TASP1: variants seen among roughly 807,000 people sequenced by gnomAD.
TASP1 encodes taspase 1, also known as threonine aspartase 1.
TASP1 carries 16 observed loss-of-function variants against 56.6 expected under a neutral mutation model. The observed-to-expected ratio is 0.28, with a 90% CI of 0.19 to 0.43. TASP1 has a LOEUF of 0.43. Ranked by LOEUF, TASP1 falls within the 20% of genes least tolerant of loss-of-function variation. The probability of loss-of-function intolerance (pLI) is 1.00; values close to 1 mark genes in which losing one functional copy is unlikely to be tolerated. For synonymous variants in TASP1, 179 were observed against 184.2 expected (o/e 0.97, Z 0.23); for missense variants, 393 against 511.6 (o/e 0.77, Z 2.24).
chr20:13,318,898 C>T, the TASP1 span, among the ~76,000 whole-genome samples: 2 of 152,124 alleles, frequency 1.3e-5, no homozygotes, highest in Non-Finnish European at 2.9e-5. Flanking sequence ...AGGCAGAGCA[C>T]AGAACACTTT....
At chr20:13,609,719 GAATT>G (rs2048285343) in intron 4 of TASP1, among the ~76,000 whole-genome samples, 1 of 140,624 alleles carries the variant, frequency 7.1e-6, no homozygotes, top group African/African-American at 2.6e-5. Flanking sequence ...GTTAAACATA[GAATT>G]AATTACCATA....
At chr20:13,355,299 A>G in the TASP1 span, among the ~76,000 whole-genome samples, 1 of 152,204 alleles carries the variant, frequency 6.6e-6, no homozygotes, top group Non-Finnish European at 1.5e-5. Flanking sequence ...AGAGAGAGAA[A>G]TTATGGTTCC....
At chr20:13,227,384 T>C in the TASP1 span, among the ~76,000 whole-genome samples, 1 of 151,662 alleles carries the variant, frequency 6.6e-6, no homozygotes, top group South Asian at 2.1e-4. Context: ...TTTGTATTTT[T>C]AGTGGAGACA....
At chr20:13,504,064 A>C (rs2044044042) in intron 10 of TASP1, among the ~76,000 whole-genome samples, 1 of 152,140 alleles carries the variant, frequency 6.6e-6, no homozygotes, top group Non-Finnish European at 1.5e-5. Context: ...AACTACTCAA[A>C]TCTGGGGAGA....
At chr20:13,262,862 G>C in the TASP1 span, among the ~76,000 whole-genome samples, 1 of 152,128 alleles carries the variant, frequency 6.6e-6, no homozygotes. Context: ...TTCTTCTAAA[G>C]CCTGAGATAA....
chr20:13,589,793 A>T (rs1379745845), intron 4 of TASP1, among the ~76,000 whole-genome samples: 1 of 152,222 alleles, frequency 6.6e-6, no homozygotes, highest in Non-Finnish European at 1.5e-5. Flanking sequence ...AAATGGGAAA[A>T]GAATATGAAT....
intron 9 of TASP1, among the ~76,000 whole-genome samples, chr20:13,529,760 G>C (rs2045140069): frequency 6.6e-6 from 1 of 152,126 alleles, no homozygotes; most frequent in Admixed American, 6.5e-5. Flanking sequence ...TGGGGAATAG[G>C]CTAAGACTGA....
chr20:13,421,171 G>A (rs549043147), intron 12 of TASP1, among the ~76,000 whole-genome samples: 76 of 148,426 alleles, frequency 5.1e-4, no homozygotes, highest in Non-Finnish European at 9.8e-4. Flanking sequence ...GGAGTGCGGT[G>A]GCACAATCTC....
chr20:13,390,728 C>T (rs947356006), intron 13 of TASP1, among the ~76,000 whole-genome samples: 7 of 152,112 alleles, frequency 4.6e-5, no homozygotes, highest in African/African-American at 7.2e-5. Flanking sequence ...GACCCCTGAC[C>T]GCACAGAATG....
At chr20:13,329,106 T>A in the TASP1 span, among the ~76,000 whole-genome samples, 7 of 152,204 alleles carry the variant, frequency 4.6e-5, no homozygotes, top group African/African-American at 7.2e-5. Flanking sequence ...TATATTGGAT[T>A]TGTAACTTAA....
intron 11 of TASP1, among the ~76,000 whole-genome samples, chr20:13,475,822 G>A (rs2044705564): frequency 6.6e-6 from 1 of 152,074 alleles, no homozygotes; most frequent in Non-Finnish European, 1.5e-5. Flanking sequence ...CTTGAACCCT[G>A]GAGGCGGAGA....
At chr20:13,331,913 T>C in the TASP1 span, among the ~76,000 whole-genome samples, 118 of 152,088 alleles carry the variant, frequency 7.8e-4, no homozygotes, top group Non-Finnish European at 1.5e-3. Context: ...TGGTTTTCAG[T>C]TGGGATTTGT....
the TASP1 span, among the ~76,000 whole-genome samples, chr20:13,381,222 T>C: frequency 6.6e-6 from 1 of 152,172 alleles, no homozygotes; most frequent in African/African-American, 2.4e-5. Context: ...CCCAAGGGAA[T>C]CTCCTGGTCT....
the TASP1 span, among the ~76,000 whole-genome samples, chr20:13,131,818 T>C: frequency 6.6e-6 from 1 of 152,174 alleles, no homozygotes; most frequent in Non-Finnish European, 1.5e-5. Flanking sequence ...ACTCATACCA[T>C]GTCACTTCCC....
intron 12 of TASP1, among the ~76,000 whole-genome samples, chr20:13,423,008 C>A (rs1352733609): frequency 6.6e-6 from 1 of 152,100 alleles, no homozygotes; most frequent in African/African-American, 2.4e-5. Context: ...CCTAGCAATT[C>A]TATTTCTAGA....
chr20:13,306,047 C>T, the TASP1 span, among the ~76,000 whole-genome samples: 1 of 151,572 alleles, frequency 6.6e-6, no homozygotes, highest in Non-Finnish European at 1.5e-5. Flanking sequence ...AATAAATGTG[C>T]CCTTATAGAT....
the TASP1 span, among the ~76,000 whole-genome samples, chr20:13,357,954 T>G: frequency 6.6e-6 from 1 of 151,866 alleles, no homozygotes; most frequent in Non-Finnish European, 1.5e-5. Flanking sequence ...TGGCCTGAAG[T>G]AACTGAAGAA....
intron 11 of TASP1, among the ~76,000 whole-genome samples, chr20:13,437,463 C>G (rs2043045830): frequency 6.6e-6 from 1 of 152,178 alleles, no homozygotes. Context: ...CAGGGATGCC[C>G]TCTCTCACCA....
chr20:13,393,615 G>GA, intron 13 of TASP1: 1 of 1,180,152 alleles, frequency 8.5e-7, no homozygotes, highest in Non-Finnish European at 1.2e-6. Context: ...GTGTGACAAC[G>GA]AATTTGGCTA....
Sources: allele counts gnomAD v4.1 joint callset (sites outside exome capture counted in the v4.1 genomes callset), GRCh38; gene constraint gnomAD v4.1.1; transcripts MANE v1.5; gene names NCBI Gene and HGNC (gene_info 2026-07-23, HGNC 2026-07-21).